The following THTPA variants were observed in gnomAD, a reference collection of about 807,000 sequenced individuals.
THTPA encodes the protein thiamine-triphosphatase.
THTPA carries 16 observed loss-of-function variants against 16.5 expected under a neutral mutation model. The observed-to-expected ratio is 0.97, with a 90% CI of 0.66 to 1.47. The LOEUF is 1.47. Ranked by LOEUF, THTPA falls within the 40% of genes most tolerant of loss-of-function variation. The pLI is 0.00. For missense variants in THTPA, 281 were observed against 280.9 expected (o/e 1.00, Z 0.00); for synonymous variants, 110 against 115.5 (o/e 0.95, Z 0.30).
At chr14:23,531,550 T>C in the THTPA span, 3 of 1,521,662 alleles carry the variant, frequency 2.0e-6, no homozygotes, top group Non-Finnish European at 2.6e-6. Flanking sequence ...TCCTCAGTGG[T>C]TGGGCCATTC....
chr14:23,523,174 G>GTCCA, the THTPA span: 1 of 1,413,446 alleles, frequency 7.1e-7, no homozygotes, highest in Non-Finnish European at 9.2e-7. The surrounding 1 kb of genome is among the most constrained non-coding windows in gnomAD (Gnocchi z 4.1). Flanking sequence ...GTTCTCTGAA[G>GTCCA]TCCAGCTCCT....
chr14:23,550,459 A>AC, the THTPA span, among the ~76,000 whole-genome samples: 1 of 152,250 alleles, frequency 6.6e-6, no homozygotes, highest in South Asian at 2.1e-4. Flanking sequence ...TGATAGAGAC[A>AC]CACAAGGAGA....
At chr14:23,558,161 C>G (rs1388962430) in intron 1 of THTPA, among the ~76,000 whole-genome samples, 1 of 152,234 alleles carries the variant, frequency 6.6e-6, no homozygotes, top group Non-Finnish European at 1.5e-5. Flanking sequence ...TGCTGCCAGG[C>G]ACTAACAACA....
the THTPA span, among the ~76,000 whole-genome samples, chr14:23,518,896 GACT>G: frequency 6.6e-6 from 1 of 152,198 alleles, no homozygotes; most frequent in African/African-American, 2.4e-5. This position sits in a 1 kb window ranked among gnomAD's most constrained non-coding sequence, Gnocchi z 4.5. Flanking sequence ...TCTGGAGCAG[GACT>G]GCTGCTGCTA....
upstream of THTPA, among the ~76,000 whole-genome samples, chr14:23,553,387 G>C (rs1187951249): frequency 1.4e-5 from 2 of 146,540 alleles, no homozygotes; most frequent in Non-Finnish European, 3.0e-5. Context: ...ATCACCTGAG[G>C]TCAGGAGTTC....
upstream of THTPA, among the ~76,000 whole-genome samples, chr14:23,554,960 CA>C (rs1459638177): frequency 6.6e-6 from 1 of 152,140 alleles, no homozygotes; most frequent in Non-Finnish European, 1.5e-5. Flanking sequence ...CCAAAGCATT[CA>C]AAGGGCCAAC....
the THTPA span, among the ~76,000 whole-genome samples, chr14:23,538,267 T>C: frequency 6.6e-5 from 10 of 152,236 alleles, no homozygotes; most frequent in Non-Finnish European, 1.5e-4. Flanking sequence ...TCCTCCTCTT[T>C]AGGAAAGAAT....
the THTPA span, among the ~76,000 whole-genome samples, chr14:23,535,909 C>T: frequency 6.6e-6 from 1 of 152,126 alleles, no homozygotes; most frequent in East Asian, 1.9e-4. The surrounding 1 kb of genome is among the most constrained non-coding windows in gnomAD (Gnocchi z 4.5). Flanking sequence ...CTTTATTTGT[C>T]CCCTGAACCT....
the THTPA span, among the ~76,000 whole-genome samples, chr14:23,520,119 C>A: frequency 6.6e-6 from 1 of 152,202 alleles, no homozygotes; most frequent in Non-Finnish European, 1.5e-5. The surrounding 1 kb of genome is among the most constrained non-coding windows in gnomAD (Gnocchi z 8.7). Context: ...CTTCTAGGTT[C>A]TGTTGGTTCC....
chr14:23,550,776 C>T, the THTPA span, among the ~76,000 whole-genome samples: 1 of 152,164 alleles, frequency 6.6e-6, no homozygotes, highest in Non-Finnish European at 1.5e-5. Flanking sequence ...GAATGGAAAG[C>T]CCAACTTCAG....
chr14:23,526,588 G>A, the THTPA span: 4 of 1,535,714 alleles, frequency 2.6e-6, no homozygotes, highest in African/African-American at 1.4e-5. Context: ...GTTGGCCAGG[G>A]CTTCCTGAGG....
At chr14:23,552,232 G>A (rs1882023647), upstream of THTPA, among the ~76,000 whole-genome samples, 1 of 151,854 alleles carries the variant, frequency 6.6e-6, no homozygotes, top group Non-Finnish European at 1.5e-5. Flanking sequence ...GAGCTGGGTT[G>A]GGGGAGGTTC....
At chr14:23,545,912 G>A in the THTPA span, among the ~76,000 whole-genome samples, 1 of 152,172 alleles carries the variant, frequency 6.6e-6, no homozygotes, top group African/African-American at 2.4e-5. Flanking sequence ...AGGTCCTCGG[G>A]GAAACACAAT....
the THTPA span, chr14:23,530,900 C>T: frequency 4.6e-6 from 1 of 219,286 alleles, no homozygotes; most frequent in Non-Finnish European, 9.0e-6. Flanking sequence ...CAGCCCCTTG[C>T]AGGCTCTTCT....
At chr14:23,541,288 T>A in the THTPA span, among the ~76,000 whole-genome samples, 1 of 102,194 alleles carries the variant, frequency 9.8e-6, no homozygotes, top group Non-Finnish European at 2.0e-5. Flanking sequence ...ATGGACAGGA[T>A]TTTTTTTTTT....
the THTPA span, among the ~76,000 whole-genome samples, chr14:23,539,792 G>A: frequency 1.3e-5 from 2 of 152,268 alleles, no homozygotes; most frequent in Non-Finnish European, 2.9e-5. Context: ...GCTCCCTAGT[G>A]GTTACAGAGG....
intron 1 of THTPA, among the ~76,000 whole-genome samples, chr14:23,557,859 A>G (rs150593712): frequency 6.0e-4 from 91 of 152,362 alleles, no homozygotes; most frequent in African/African-American, 2.1e-3. Flanking sequence ...TCTTCAGATC[A>G]TGAGACTGAT....
chr14:23,530,950 C>T, the THTPA span: 1 of 172,642 alleles, frequency 5.8e-6, no homozygotes, highest in Non-Finnish European at 1.2e-5. Flanking sequence ...CTGGCTGTTC[C>T]CGGCCTCTGC....
At chr14:23,514,449 G>A in the THTPA span, 1 of 152,794 alleles carries the variant, frequency 6.5e-6, no homozygotes, top group South Asian at 2.1e-4. Flanking sequence ...GGGGTGGAAG[G>A]AGGGAAGGGC....
Sources: allele counts gnomAD v4.1 joint callset (sites outside exome capture counted in the v4.1 genomes callset), GRCh38; gene constraint gnomAD v4.1.1; non-coding constraint Gnocchi (gnomAD v3.1); transcripts MANE v1.5; gene names NCBI Gene and HGNC (gene_info 2026-07-23, HGNC 2026-07-21).